CACNA1C: variants seen among roughly 807,000 people sequenced by gnomAD.
The protein encoded by CACNA1C is calcium voltage-gated channel subunit alpha1 C, also known as voltage-dependent L-type calcium channel subunit alpha-1C.
In CACNA1C, 30 loss-of-function variants were observed where a neutral mutation model predicts 229.0. The ratio of observed to expected loss-of-function variants is 0.13; its 90% CI spans 0.10 to 0.18. CACNA1C has a LOEUF of 0.18. Ranked by LOEUF, CACNA1C falls within the 10% of genes least tolerant of loss-of-function variation. The probability of loss-of-function intolerance (pLI) is 1.00; values close to 1 mark genes in which losing one functional copy is unlikely to be tolerated. For missense variants in CACNA1C, 1,658 were observed against 2,845.0 expected (o/e 0.58, Z 9.49); for synonymous variants, 1,114 against 1,132.5 (o/e 0.98, Z 0.33).
chr12:2,257,089 C>G (rs1293685600), intron 3 of CACNA1C, among the ~76,000 whole-genome samples: 1 of 152,130 alleles, frequency 6.6e-6, no homozygotes, highest in African/African-American at 2.4e-5. Flanking sequence ...TGGTGGCTTT[C>G]CAGGCCTCCC....
intron 1 of CACNA1C, among the ~76,000 whole-genome samples, chr12:2,104,899 T>G (rs2077618525): frequency 6.6e-6 from 1 of 152,190 alleles, no homozygotes; most frequent in South Asian, 2.1e-4. Flanking sequence ...TTATGGCAAT[T>G]TGTCATCTTC....
intron 1 of CACNA1C, among the ~76,000 whole-genome samples, chr12:2,056,813 T>C (rs1693380238): frequency 6.6e-6 from 1 of 152,168 alleles, no homozygotes; most frequent in Non-Finnish European, 1.5e-5. Context: ...TTTTAGAATA[T>C]GACAATATAT....
chr12:2,177,587 C>CCCTCCCTCCTTCCTTCCTT (rs750852324), intron 3 of CACNA1C, among the ~76,000 whole-genome samples: 5 of 78,518 alleles, frequency 6.4e-5, no homozygotes, highest in South Asian at 6.4e-4. Flanking sequence ...CTCCCTCCCT[C>CCCTCCCTCCTTCCTTCCTT]CCTTCCTTCC....
chr12:1,977,032 A>G (rs191305146), intron 1 of CACNA1C, among the ~76,000 whole-genome samples: 83 of 152,340 alleles, frequency 5.4e-4, no homozygotes, highest in Non-Finnish European at 5.7e-4. Flanking sequence ...ACCCTCAGTT[A>G]TCTCTGGGCA....
At chr12:2,128,406 C>T (rs184434771) in intron 3 of CACNA1C, among the ~76,000 whole-genome samples, 1 of 151,980 alleles carries the variant, frequency 6.6e-6, no homozygotes, top group East Asian at 1.9e-4. Context: ...AAGGTAAATA[C>T]ATTATTTTTT....
Position 2,182,810 on chromosome 12 carries a change from C to T in CACNA1C, c.477+62380C>T, listed in dbSNP as rs12227458. ...GCCATCCTGATGAAGGCACACCCCA[C>T]CCTGCAGCGGCTCAGGGAAGGGGCG... On this transcript the variant is annotated intron_variant, in intron 3 of 46. Transcript: ENST00000399655. Among the ~76,000 whole-genome samples the T allele has an allele frequency of 1.2e-3, 184 of 152,236 alleles. 2 individuals are homozygous for T. The East Asian group carries it at 0.029, about 24-fold the overall frequency.
rs2096835633 is a variant in CACNA1C at position 2,181,369 on chromosome 12, G to A, written c.477+60939G>A. 6.6e-6 allele frequency among the ~76,000 whole-genome samples: 1 copy of A among 152,076 alleles called. No homozygotes were observed. The highest frequency in any genetic ancestry group is 1.5e-5 in the Non-Finnish European group (1 of 68,020). On this transcript the variant is annotated intron_variant, in intron 3 of 46. Transcript: ENST00000399655. This position sits in a 1 kb window ranked among gnomAD's most constrained non-coding sequence, Gnocchi z 4.0. ...ATACAAGTGGAGAGACAGCTGGAAG[G>A]GGCAGCACCCAGGCCTTCAGTGTGG... is the stretch of plus-strand genomic sequence containing the variant.
intron 3 of CACNA1C, among the ~76,000 whole-genome samples, chr12:2,246,849 A>C (rs753566636): frequency 2.6e-5 from 4 of 152,160 alleles, no homozygotes; most frequent in Non-Finnish European, 2.9e-5. Context: ...CAAGAACTGT[A>C]ATCTCCTGTC....
intron 3 of CACNA1C, among the ~76,000 whole-genome samples, chr12:2,130,545 T>C (rs1245471398): frequency 8.2e-6 from 1 of 122,436 alleles, no homozygotes; most frequent in Non-Finnish European, 1.7e-5. Flanking sequence ...TGAGTGAGAA[T>C]ATGCGGTGTT....
intron 3 of CACNA1C, among the ~76,000 whole-genome samples, chr12:2,436,947 T>C (rs892444703): frequency 6.6e-6 from 1 of 152,202 alleles, no homozygotes; most frequent in Non-Finnish European, 1.5e-5. Context: ...GTCCTCATGG[T>C]CCCCAGATGG....
At chr12:2,039,816 A>G (rs144193999) in intron 1 of CACNA1C, among the ~76,000 whole-genome samples, 1 of 152,070 alleles carries the variant, frequency 6.6e-6, no homozygotes, top group Non-Finnish European at 1.5e-5. Flanking sequence ...CCATTGGGCC[A>G]TAGGGGTGAG....
intron 3 of CACNA1C, among the ~76,000 whole-genome samples, chr12:2,299,227 C>T (rs1399051688): frequency 6.6e-6 from 1 of 152,168 alleles, no homozygotes; most frequent in African/African-American, 2.4e-5. Context: ...TGCCTGGGCC[C>T]CACCTCCTCC....
chr12:2,073,065 A>G (rs2061936046), intron 1 of CACNA1C, among the ~76,000 whole-genome samples: 1 of 152,210 alleles, frequency 6.6e-6, no homozygotes, highest in African/African-American at 2.4e-5. Context: ...AGTGGCGGCA[A>G]CACGGACCAT....
Position 2,632,055 on chromosome 12 carries a change from C to T in CACNA1C, c.3829-2242C>T, listed in dbSNP as rs771090446. 7.2e-5 allele frequency among the ~76,000 whole-genome samples: 11 copies of T among 151,820 alleles called. No individual in the cohort carries two copies. The highest frequency in any genetic ancestry group is 1.3e-4 in the Non-Finnish European group (9 of 67,982). ...CTGGGGAGAGATCTGGGGAACCTCTCGGAGGACGCTTCATGCTTTCATACC... is the reference window on the plus strand; with the variant it reads ...CTGGGGAGAGATCTGGGGAACCTCTTGGAGGACGCTTCATGCTTTCATACC... On this transcript the variant is annotated intron_variant, in intron 29 of 46. Coordinates refer to ENST00000399655, the MANE Select transcript of CACNA1C (RefSeq NM_000719.7). This position sits in a 1 kb window ranked among gnomAD's most constrained non-coding sequence, Gnocchi z 4.1.
At chr12:2,404,881 A>G (rs534816286) in intron 3 of CACNA1C, among the ~76,000 whole-genome samples, 6 of 152,192 alleles carry the variant, frequency 3.9e-5, no homozygotes, top group Non-Finnish European at 7.3e-5. Flanking sequence ...CTTTGGGATT[A>G]TCAGGAAGGA....
chr12:2,307,830 C>T (rs1019130338), intron 3 of CACNA1C, among the ~76,000 whole-genome samples: 3 of 152,174 alleles, frequency 2.0e-5, no homozygotes, highest in Non-Finnish European at 1.5e-5. Context: ...AAAGGCAATG[C>T]GGCTGCCCAC....
chr12:2,201,443 G>A (rs989323236), intron 3 of CACNA1C, among the ~76,000 whole-genome samples: 2 of 152,146 alleles, frequency 1.3e-5, no homozygotes, highest in Non-Finnish European at 2.9e-5. Flanking sequence ...CTCCTCTTAG[G>A]AGTCGCATGT....
intron 3 of CACNA1C, among the ~76,000 whole-genome samples, chr12:2,409,821 C>T (rs918618849): frequency 2.0e-5 from 3 of 152,148 alleles, no homozygotes; most frequent in Admixed American, 6.5e-5. Context: ...GAGGAGCCAA[C>T]GCAGGGCCCG....
chr12:2,048,652 C>G (rs1170550549), upstream of CACNA1C: 1 of 152,454 alleles, frequency 6.6e-6, no homozygotes, highest in Non-Finnish European at 1.5e-5. Flanking sequence ...TGCTGAGTGG[C>G]TGTTGTGGTG....
Sources: gnomAD v4.1 joint callset for allele counts (sites outside exome capture counted in the v4.1 genomes callset) on GRCh38, gnomAD v4.1.1 for gene constraint, Gnocchi (gnomAD v3.1) non-coding constraint, MANE v1.5 for transcripts, NCBI Gene and HGNC (gene_info 2026-07-23, HGNC 2026-07-21) for gene names.